AP4E1: variants seen among roughly 807,000 people sequenced by gnomAD.
The protein encoded by AP4E1 is AP-4 complex subunit epsilon-1.
AP4E1 carries 56 observed loss-of-function variants against 128.2 expected under a neutral mutation model. The ratio of observed to expected loss-of-function variants is 0.44; its 90% CI spans 0.35 to 0.55. The LOEUF is 0.55. Among genes scored for constraint, AP4E1 ranks in the 20% least tolerant of loss-of-function variants. The pLI is 0.00. For missense variants in AP4E1, 1,324 were observed against 1,307.7 expected, an observed-to-expected ratio of 1.01 and a Z score of -0.19; for synonymous variants, 484 against 473.1, an observed-to-expected ratio of 1.02 and a Z score of -0.30.
chr15:50,922,193 G>A (rs1194410182), intron 3 of AP4E1, among the ~76,000 whole-genome samples: 3 of 148,910 alleles, frequency 2.0e-5, no homozygotes, highest in African/African-American at 4.9e-5. Context: ...AATTAGCTCG[G>A]TGTGATGGTG....
rs540949230 is a variant in AP4E1, at chr15:50,953,810, G to C, written c.1548+3641G>C. On this transcript the variant is annotated intron_variant, in intron 13 of 20. Transcript: ENST00000261842. The stretch of plus-strand genomic sequence containing the variant: ...AGGTTGTAAAGTTCTACAGTAAGAA[G>C]GGAAATTGCCTCTGTGAAATGGTGA... Among the ~76,000 whole-genome samples, 4 of 152,254 alleles carry C rather than the reference G, an allele frequency of 2.6e-5. No individual in the cohort carries two copies. The East Asian group carries it at 7.7e-4, about 29-fold the overall frequency.
intron 13 of AP4E1, among the ~76,000 whole-genome samples, chr15:50,957,263 G>T (rs1385792094): frequency 6.6e-6 from 1 of 152,172 alleles, no homozygotes; most frequent in Non-Finnish European, 1.5e-5. Context: ...CTGACAGGGG[G>T]ACTGGGGCAG....
chr15:50,983,264 TGCAGTCTAGCCA>T (rs1203840643), intron 15 of AP4E1, among the ~76,000 whole-genome samples: 3 of 152,238 alleles, frequency 2.0e-5, no homozygotes, highest in African/African-American at 7.2e-5. Flanking sequence ...GCAATCATGT[TGCAGTCTAGCCA>T]GCAGGGAAGA....
intron 3 of AP4E1, among the ~76,000 whole-genome samples, chr15:50,922,253 G>A (rs1404156410): frequency 6.6e-6 from 1 of 151,894 alleles, no homozygotes; most frequent in African/African-American, 2.4e-5. Flanking sequence ...GATTGCTTGA[G>A]CTTGGAAGGT....
At chr15:50,995,980 CTTTTTT>C (rs1199189475) in intron 17 of AP4E1, among the ~76,000 whole-genome samples, 3 of 91,802 alleles carry the variant, frequency 3.3e-5, no homozygotes, top group East Asian at 6.0e-4. Flanking sequence ...TAATATACAT[CTTTTTT>C]TTTTTTTTTT....
At chr15:50,994,154 A>T (rs1464627890) in intron 17 of AP4E1, among the ~76,000 whole-genome samples, 1 of 152,228 alleles carries the variant, frequency 6.6e-6, no homozygotes, top group Non-Finnish European at 1.5e-5. Flanking sequence ...TGCCTTGTTT[A>T]TACCTAAGGC....
chr15:50,927,101 G>A (rs1018558233), intron 5 of AP4E1, among the ~76,000 whole-genome samples: 2 of 152,190 alleles, frequency 1.3e-5, no homozygotes, highest in African/African-American at 4.8e-5. Flanking sequence ...TATAAAAGCA[G>A]CATATTTTTG....
At chr15:50,925,023 C>G in intron 4 of AP4E1, 75 bp from the exon 5 acceptor site, 1 of 1,535,290 alleles carries the variant, frequency 6.5e-7, no homozygotes, top group Non-Finnish European at 9.0e-7. Flanking sequence ...TATATAGGAC[C>G]ATTACAGTGT....
intron 13 of AP4E1, among the ~76,000 whole-genome samples, chr15:50,953,158 T>C (rs1204949875): frequency 6.6e-6 from 1 of 152,266 alleles, no homozygotes. Context: ...TATGAGGCTG[T>C]GCAAATATCT....
At chr15:50,948,508 G>A (rs2064096772) in intron 11 of AP4E1, among the ~76,000 whole-genome samples, 1 of 152,058 alleles carries the variant, frequency 6.6e-6, no homozygotes, top group African/African-American at 2.4e-5. Flanking sequence ...GGAAAGTGGA[G>A]GGTGTGTGGG....
intron 19 of AP4E1, 122 bp from the exon 20 acceptor site, chr15:51,000,902 CAT>C: frequency 1.3e-6 from 1 of 782,484 alleles, no homozygotes; most frequent in Non-Finnish European, 2.1e-6. Context: ...GGTTTAAAGA[CAT>C]AAATCTTATG....
At chr15:50,991,488 T>G (rs536245922) in intron 16 of AP4E1, among the ~76,000 whole-genome samples, 68 of 152,330 alleles carry the variant, frequency 4.5e-4, no homozygotes, top group African/African-American at 1.4e-3. Context: ...CCATGACCAC[T>G]TGGGATCTGC....
rs2064943333 is a variant in AP4E1, at chr15:51,000,267, G to A, written c.3096-759G>A. Among the ~76,000 whole-genome samples, 3 of 150,742 alleles carry A rather than the reference G, an allele frequency of 2.0e-5. No homozygotes were observed. The Admixed American group carries it at 2.0e-4, about 10-fold the overall frequency. On this transcript the variant is annotated intron_variant, in intron 19 of 20. Coordinates refer to ENST00000261842, the MANE Select transcript of AP4E1 (RefSeq NM_007347.5). ...ATTGATCCTCCCACCTCAGGCTCCT[G>A]AGTAGCTGGGACTACAGGAATATGT...
intron 15 of AP4E1, 23 bp from the exon 16 acceptor site, chr15:50,983,999 C>G: frequency 1.2e-6 from 2 of 1,609,172 alleles, no homozygotes; most frequent in Non-Finnish European, 1.7e-6. Flanking sequence ...ATATGAACCT[C>G]TGTTATTATT....
intron 15 of AP4E1, among the ~76,000 whole-genome samples, chr15:50,968,815 A>G (rs1163845431): frequency 6.8e-6 from 1 of 147,310 alleles, no homozygotes; most frequent in African/African-American, 2.5e-5. Flanking sequence ...TTTAGTAGAG[A>G]TGGGGTTTCA....
At chr15:50,941,996 A>G (rs2063995552) in intron 10 of AP4E1, among the ~76,000 whole-genome samples, 1 of 152,180 alleles carries the variant, frequency 6.6e-6, no homozygotes, top group African/African-American at 2.4e-5. Flanking sequence ...AACTCACTGC[A>G]ACTTCCACCT....
chr15:50,941,254 T>G (rs969338851), intron 8 of AP4E1, among the ~76,000 whole-genome samples, 188 bp from the exon 9 acceptor site: 2 of 152,194 alleles, frequency 1.3e-5, no homozygotes, highest in Admixed American at 1.3e-4. Flanking sequence ...GAACATTGTA[T>G]TGTGGTAACC....
chr15:50,922,272 C>T (rs1373265208), intron 3 of AP4E1, among the ~76,000 whole-genome samples: 3 of 151,826 alleles, frequency 2.0e-5, no homozygotes, highest in Non-Finnish European at 4.4e-5. Context: ...GTAGAGGCTG[C>T]AGTGAGTTTT....
At chr15:50,989,823 G>T (rs1350392587) in intron 16 of AP4E1, among the ~76,000 whole-genome samples, 4 of 152,088 alleles carry the variant, frequency 2.6e-5, no homozygotes, top group African/African-American at 9.7e-5. Flanking sequence ...AACTGCTAAG[G>T]AATTATATAA....
Sources: gnomAD v4.1 joint callset for allele counts (sites outside exome capture counted in the v4.1 genomes callset) on GRCh38, gnomAD v4.1.1 for gene constraint, MANE v1.5 for transcripts, NCBI Gene and HGNC (gene_info 2026-07-23, HGNC 2026-07-21) for gene names.